RASAL2: variants seen among roughly 807,000 people sequenced by gnomAD.
RASAL2 encodes the protein ras GTPase-activating protein nGAP.
A neutral mutation model predicts 128.9 loss-of-function variants in RASAL2; 58 were observed. That is an observed-to-expected ratio of 0.45 (90% CI 0.36 to 0.56). The LOEUF (loss-of-function observed/expected upper bound fraction) is 0.56. RASAL2 is among the 20% of genes least tolerant of loss of function. The pLI is 0.00. For missense variants in RASAL2, 1,360 were observed against 1,601.6 expected (o/e 0.85, Z 2.57); for synonymous variants, 561 against 580.8 (o/e 0.97, Z 0.49).
intron 1 of RASAL2, among the ~76,000 whole-genome samples, chr1:178,186,395 T>C (rs181731665): frequency 8.6e-5 from 13 of 151,476 alleles, no homozygotes; most frequent in Non-Finnish European, 1.5e-4. Flanking sequence ...TACTCTGTTA[T>C]TTTTTTTACT....
At chr1:178,154,559 A>G (rs1038988157) in intron 1 of RASAL2, among the ~76,000 whole-genome samples, 2 of 152,204 alleles carry the variant, frequency 1.3e-5, no homozygotes, top group Non-Finnish European at 2.9e-5. Flanking sequence ...CCTTGACAAC[A>G]TTTGTTAATG....
intron 1 of RASAL2, among the ~76,000 whole-genome samples, chr1:178,211,510 C>G (rs1394919964): frequency 2.6e-5 from 4 of 152,174 alleles, no homozygotes; most frequent in African/African-American, 4.8e-5. Flanking sequence ...CTCCCTTGAT[C>G]TGCCTCTACA....
chr1:178,207,001 C>G (rs1471963106), intron 1 of RASAL2, among the ~76,000 whole-genome samples: 1 of 151,858 alleles, frequency 6.6e-6, no homozygotes, highest in Non-Finnish European at 1.5e-5. Context: ...ATAGCAAGAC[C>G]TTGTCTTTCC....
At chr1:178,159,576 C>G (rs1016273702) in intron 1 of RASAL2, among the ~76,000 whole-genome samples, 6 of 152,224 alleles carry the variant, frequency 3.9e-5, no homozygotes, top group African/African-American at 1.4e-4. Context: ...GCTTATTAGA[C>G]TATTATTGAA....
At chr1:178,350,389 T>TTTTTG (rs575633081) in intron 3 of RASAL2, among the ~76,000 whole-genome samples, 44 of 152,114 alleles carry the variant, frequency 2.9e-4, no homozygotes, top group African/African-American at 3.4e-4. Flanking sequence ...CCTGGCTAAT[T>TTTTTG]TTTTGTTTTG....
chr1:178,096,382 G>A (rs1166518147), intron 1 of RASAL2, among the ~76,000 whole-genome samples: 3 of 151,920 alleles, frequency 2.0e-5, no homozygotes, highest in Non-Finnish European at 4.4e-5. Flanking sequence ...TTCTTCATTT[G>A]TAAGGACATA....
At chr1:178,301,681 C>T (rs1401729516) in intron 3 of RASAL2, among the ~76,000 whole-genome samples, 1 of 152,158 alleles carries the variant, frequency 6.6e-6, no homozygotes, top group African/African-American at 2.4e-5. Context: ...GATCTGCCCT[C>T]CTCAGCCTCC....
At chr1:178,120,045 C>T (rs531633519) in intron 1 of RASAL2, among the ~76,000 whole-genome samples, 1 of 152,310 alleles carries the variant, frequency 6.6e-6, no homozygotes, top group South Asian at 2.1e-4. Context: ...GAAGTGGTGG[C>T]CTTCAGTAAT....
chr1:178,150,225 C>T (rs1331032981), intron 1 of RASAL2, among the ~76,000 whole-genome samples: 2 of 151,940 alleles, frequency 1.3e-5, no homozygotes, highest in African/African-American at 4.8e-5. Context: ...GACGGAGTCT[C>T]ACTTTGTCAT....
At chr1:178,274,019 G>A (rs987178385) in intron 1 of RASAL2, among the ~76,000 whole-genome samples, 1 of 152,158 alleles carries the variant, frequency 6.6e-6, no homozygotes, top group Non-Finnish European at 1.5e-5. Flanking sequence ...AGCGATTTGT[G>A]ATTCAAATGG....
At chr1:178,419,457 T>C (rs1302426335) in intron 4 of RASAL2, among the ~76,000 whole-genome samples, 15 of 152,102 alleles carry the variant, frequency 9.9e-5, no homozygotes, top group Admixed American at 8.5e-4. Flanking sequence ...TATTTTATTT[T>C]ATTTTATTTT....
At chr1:178,185,296 G>A (rs763944033) in intron 1 of RASAL2, among the ~76,000 whole-genome samples, 18 of 151,594 alleles carry the variant, frequency 1.2e-4, no homozygotes, top group African/African-American at 4.4e-4. Context: ...GCAAATAAAG[G>A]CAGGTTTATT....
In RASAL2 at chr1:178,094,331, T is replaced by G; in HGVS notation, c.-162T>G. 1 of 641,940 alleles carries G rather than the reference T, an allele frequency of 1.6e-6. No homozygotes were observed. The highest frequency in any genetic ancestry group is 2.5e-6 in the Non-Finnish European group (1 of 397,966). 39.8% of individuals were successfully genotyped at this position (641,940 alleles called of 1,614,324 possible). On this transcript the variant is annotated 5_prime_UTR_variant, in exon 1 of 18. Coordinates refer to ENST00000367649, the MANE Select transcript of RASAL2 (RefSeq NM_170692.4). Reference sequence around the variant, plus strand: ...GCTGCATCGCCCGAGCCTCGGGCAGTGGGCGACGGGGAAGGAGGTGAGAGG... The same window carrying G: ...GCTGCATCGCCCGAGCCTCGGGCAGGGGGCGACGGGGAAGGAGGTGAGAGG...
At chr1:178,222,654 A>G (rs375676934) in intron 1 of RASAL2, among the ~76,000 whole-genome samples, 1 of 152,184 alleles carries the variant, frequency 6.6e-6, no homozygotes, top group East Asian at 1.9e-4. Context: ...GAGAATATTT[A>G]TTTTCTAAGT....
rs1245407223 is a variant in RASAL2, at chr1:178,467,420, A to C, written c.3677A>C (p.Gln1226Pro). Residue 1226 changes from glutamine (Q) to proline (P), a missense_variant and splice_region_variant, in exon 17 of 18, where the codon CAG becomes CCG. Transcript: ENST00000367649. The part of the protein sequence containing the change: ...IDAKQKIIDA[Q>P]EKRIVSLDSA... ...GCAAAGCAGAAAATAATTGATGCACAGGTAAGCAGGCTTTGAATCTAATAG... is the reference window on the plus strand; with the variant it reads ...GCAAAGCAGAAAATAATTGATGCACCGGTAAGCAGGCTTTGAATCTAATAG... The C allele has an allele frequency of 6.2e-7, 1 of 1,612,708 alleles. No homozygotes were observed. The highest frequency in any genetic ancestry group is 8.5e-7 in the Non-Finnish European group (1 of 1,178,698).
chr1:178,341,705 T>C, intron 3 of RASAL2: 5 of 1,535,096 alleles, frequency 3.3e-6, no homozygotes, highest in Non-Finnish European at 3.6e-6. Context: ...ACTATTTACC[T>C]TTATGATTAT....
intron 4 of RASAL2, among the ~76,000 whole-genome samples, chr1:178,411,086 C>T (rs1486651341): frequency 6.6e-6 from 1 of 151,892 alleles, no homozygotes. Flanking sequence ...TAGCACAATT[C>T]GCAATTGCAA....
In RASAL2 at chr1:178,216,608, G is replaced by A. The variant is rs151099854; in HGVS notation, c.203-66956G>A. Among the ~76,000 whole-genome samples, 307 of 152,260 alleles carry A rather than the reference G, an allele frequency of 2.0e-3. 3 individuals carry two copies. The highest frequency in any genetic ancestry group is 7.2e-3 in the African/African-American group (297 of 41,534). ...AATGTTTTTTTGGTTGCCGAATTCA[G>A]GATAGCTAATTTAAATAATTATATT... On this transcript the variant is annotated intron_variant, in intron 1 of 17. Transcript: ENST00000367649.
intron 4 of RASAL2, among the ~76,000 whole-genome samples, chr1:178,412,832 T>A (rs560881537): frequency 3.9e-5 from 6 of 152,294 alleles, no homozygotes; most frequent in African/African-American, 2.4e-5. Flanking sequence ...CCACAATTTT[T>A]AAAAATTTTA....
Sources: allele counts gnomAD v4.1 joint callset (sites outside exome capture counted in the v4.1 genomes callset), GRCh38; gene constraint gnomAD v4.1.1; transcripts MANE v1.5; gene names NCBI Gene and HGNC (gene_info 2026-07-23, HGNC 2026-07-21).